The following GRIN2A variants were observed in gnomAD, a reference collection of about 807,000 sequenced individuals.
The protein encoded by GRIN2A is glutamate receptor ionotropic, NMDA 2A.
GRIN2A carries 22 observed loss-of-function variants against 113.4 expected under a neutral mutation model. That is an observed-to-expected ratio of 0.19 (90% CI 0.14 to 0.28). The LOEUF (loss-of-function observed/expected upper bound fraction) is 0.28, where lower values mean the gene tolerates loss of function less well. Ranked by LOEUF, GRIN2A falls within the 10% of genes least tolerant of loss-of-function variation. The probability of loss-of-function intolerance (pLI) is 1.00; values close to 1 mark genes in which losing one functional copy is unlikely to be tolerated. For synonymous variants in GRIN2A, 827 were observed against 738.4 expected, an observed-to-expected ratio of 1.12 and a Z score of -1.94; for missense variants, 1,502 against 1,887.0, an observed-to-expected ratio of 0.80 and a Z score of 3.78.
chr16:9,969,736 A>G (rs12102827), intron 2 of GRIN2A, among the ~76,000 whole-genome samples: 53,092 of 152,124 alleles, frequency 0.35, 10,278 homozygotes, highest in African/African-American at 0.51. Flanking sequence ...CACAGCTAGG[A>G]GGCAGGGTAT....
chr16:9,963,532 T>G (rs895036616), intron 2 of GRIN2A, among the ~76,000 whole-genome samples: 2 of 152,138 alleles, frequency 1.3e-5, no homozygotes, highest in Admixed American at 1.3e-4. Flanking sequence ...ACATGTGGTG[T>G]TAAACAATTT....
At chr16:10,059,268 G>T (rs1339317710) in intron 2 of GRIN2A, among the ~76,000 whole-genome samples, 1 of 152,020 alleles carries the variant, frequency 6.6e-6, no homozygotes, top group Non-Finnish European at 1.5e-5. Flanking sequence ...GGGAATAACA[G>T]ATCTACATTA....
At chr16:10,055,443 A>G (rs1015783118) in intron 2 of GRIN2A, among the ~76,000 whole-genome samples, 2 of 152,204 alleles carry the variant, frequency 1.3e-5, no homozygotes, top group Non-Finnish European at 2.9e-5. Flanking sequence ...CCTGGTTTTG[A>G]AAGAGAAAAA....
At chr16:10,034,609 T>G (rs1855710210) in intron 2 of GRIN2A, among the ~76,000 whole-genome samples, 1 of 149,066 alleles carries the variant, frequency 6.7e-6, no homozygotes, top group African/African-American at 2.5e-5. Context: ...GGATGTTGAC[T>G]TGCTGGCTAA....
rs148669178 is a variant in GRIN2A at position 9,852,732 on chromosome 16, T to G, written c.1123-2771A>C. ...TGCAAACACCAAAAATCTCAACTAC[T>G]AAATCGTATATACCAGATAAAGGAG... On this transcript the variant is annotated intron_variant, in intron 4 of 12. Coordinates refer to ENST00000330684, the MANE Select transcript of GRIN2A (RefSeq NM_001134407.3). 5.0e-3 allele frequency among the ~76,000 whole-genome samples: 757 copies of G among 152,284 alleles called. 1 individual carries two copies. The highest frequency in any genetic ancestry group is 8.5e-3 in the Non-Finnish European group (576 of 68,022).
intron 8 of GRIN2A, among the ~76,000 whole-genome samples, chr16:9,831,115 A>G (rs1270923221): frequency 6.6e-6 from 1 of 152,210 alleles, no homozygotes; most frequent in African/African-American, 2.4e-5. Context: ...AGTAGCTGTC[A>G]TTTCCCAAGA....
intron 2 of GRIN2A, among the ~76,000 whole-genome samples, chr16:10,032,620 G>T (rs2046950680): frequency 6.6e-6 from 1 of 152,154 alleles, no homozygotes; most frequent in Non-Finnish European, 1.5e-5. Flanking sequence ...CACAGACGAG[G>T]AACTGAGGCA....
rs1273059477 is a variant in GRIN2A, at chr16:9,757,914, T to C, written c.*5235A>G. The C allele has an allele frequency of 8.9e-6, 2 of 224,082 alleles. No homozygotes were observed. The highest frequency in any genetic ancestry group is 2.2e-5 in the African/African-American group (1 of 44,868). The allele number at this position is 224,082 out of a possible 1,614,324, so 13.9% of individuals were successfully genotyped here. A position where few individuals can be genotyped will look rare whatever the true frequency, so the allele number is the denominator to read the frequency against. ...CAAAACAAAAACCAGGGCAGCCTTA[T>C]GGGGATCTCTGGCTCTTATTCCAGA... On this transcript the variant is annotated 3_prime_UTR_variant, in exon 13 of 13. Transcript: ENST00000330684.
chr16:10,100,560 A>G (rs1227937742), intron 2 of GRIN2A, among the ~76,000 whole-genome samples: 1 of 152,218 alleles, frequency 6.6e-6, no homozygotes, highest in Non-Finnish European at 1.5e-5. Flanking sequence ...AGCACCTGGC[A>G]CATCCTGATG....
intron 2 of GRIN2A, among the ~76,000 whole-genome samples, chr16:10,041,946 C>T (rs551942628): frequency 1.3e-5 from 2 of 152,224 alleles, no homozygotes; most frequent in South Asian, 2.1e-4. Flanking sequence ...AATATAGTCC[C>T]GGTGCATCTT....
At chr16:10,112,705 T>C in intron 2 of GRIN2A, 1 of 746,308 alleles carries the variant, frequency 1.3e-6, no homozygotes, top group South Asian at 1.3e-5. Context: ...GTGCAGGGTG[T>C]CTCGGCCTCC....
chr16:10,137,325 TGAG>T (rs1294772499), intron 2 of GRIN2A, among the ~76,000 whole-genome samples: 3 of 152,230 alleles, frequency 2.0e-5, no homozygotes, highest in Non-Finnish European at 2.9e-5. Context: ...CTTGCTTAAA[TGAG>T]GAGGCTGGAT....
intron 2 of GRIN2A, among the ~76,000 whole-genome samples, chr16:10,008,054 C>T (rs1472992645): frequency 1.3e-5 from 2 of 152,226 alleles, no homozygotes; most frequent in East Asian, 1.9e-4. Flanking sequence ...ACATGGCATA[C>T]AGTAGGCACT....
At chr16:9,791,932 A>G (rs1420447536) in intron 11 of GRIN2A, among the ~76,000 whole-genome samples, 2 of 152,156 alleles carry the variant, frequency 1.3e-5, no homozygotes, top group African/African-American at 4.8e-5. Context: ...TTAAAACTCT[A>G]GAGTCCATTG....
chr16:10,126,027 G>A (rs2048927835), intron 2 of GRIN2A, among the ~76,000 whole-genome samples: 1 of 152,132 alleles, frequency 6.6e-6, no homozygotes, highest in Admixed American at 6.6e-5. Flanking sequence ...TCACCAGAAT[G>A]AAGTAGGGAG....
intron 8 of GRIN2A, among the ~76,000 whole-genome samples, chr16:9,833,789 G>T (rs1386561714): frequency 1.3e-5 from 2 of 152,128 alleles, no homozygotes; most frequent in Non-Finnish European, 2.9e-5. Flanking sequence ...GCACAATCTC[G>T]ACTCACTGCA....
intron 4 of GRIN2A, among the ~76,000 whole-genome samples, chr16:9,854,351 A>C (rs2042933682): frequency 6.6e-6 from 1 of 151,836 alleles, no homozygotes. Flanking sequence ...AAATTTCCCC[A>C]GAGAAAGCAA....
At chr16:9,850,505 G>A (rs1485677676) in intron 4 of GRIN2A, among the ~76,000 whole-genome samples, 1 of 152,062 alleles carries the variant, frequency 6.6e-6, no homozygotes, top group Non-Finnish European at 1.5e-5. Context: ...TAAGTATAAA[G>A]GAGAGAAAGT....
At chr16:10,080,916 C>T (rs1468903528) in intron 2 of GRIN2A, among the ~76,000 whole-genome samples, 4 of 152,134 alleles carry the variant, frequency 2.6e-5, no homozygotes, top group South Asian at 2.1e-4. Context: ...ATTCCCGTCT[C>T]AAATGTTCTG....
Sources: gnomAD v4.1 joint callset for allele counts (sites outside exome capture counted in the v4.1 genomes callset) on GRCh38, gnomAD v4.1.1 for gene constraint, MANE v1.5 for transcripts, NCBI Gene and HGNC (gene_info 2026-07-23, HGNC 2026-07-21) for gene names.